MDGA2: variants seen among roughly 807,000 people sequenced by gnomAD.
The protein encoded by MDGA2 is MAM domain containing glycosylphosphatidylinositol anchor 2.
A neutral mutation model predicts 117.8 loss-of-function variants in MDGA2; 40 were observed. The observed-to-expected ratio is 0.34, with a 90% confidence interval of 0.26 to 0.44. The LOEUF is 0.44. Ranked by LOEUF, MDGA2 falls within the 20% of genes least tolerant of loss-of-function variation. MDGA2 has a pLI of 1.00. For synonymous variants in MDGA2, 452 were observed against 439.0 expected (o/e 1.03, Z -0.37); for missense variants, 1,123 against 1,250.6 (o/e 0.90, Z 1.54).
chr14:47,498,430 G>A (rs976302881), intron 1 of MDGA2, among the ~76,000 whole-genome samples: 5 of 152,068 alleles, frequency 3.3e-5, no homozygotes, highest in Non-Finnish European at 7.4e-5. Context: ...CTGGAACAAG[G>A]CAGGCATAGA....
At chr14:47,500,911 T>G (rs560536095) in intron 1 of MDGA2, among the ~76,000 whole-genome samples, 1 of 152,210 alleles carries the variant, frequency 6.6e-6, no homozygotes, top group South Asian at 2.1e-4. Context: ...AAAAGGGTAA[T>G]AAAAATTACT....
At position 47,009,640 on chromosome 14, in the gene MDGA2, A is replaced by G. The variant is rs182492101; in HGVS notation, c.1819+25371T>C. 1.9e-3 allele frequency among the ~76,000 whole-genome samples: 284 copies of G among 152,230 alleles called. 4 individuals are homozygous for G. Among genetic ancestry groups the G allele is most frequent in the African/African-American group, 6.5e-3 (272 of 41,560 alleles). On this transcript the variant is annotated intron_variant, in intron 8 of 16. Transcript: ENST00000399232. ...GACACAATGAATGAACACTATGTAT[A>G]CAACACTAAATTGTCATTCTGTCTT... is the stretch of plus-strand genomic sequence containing the variant.
At chr14:47,422,646 C>G (rs2138509954) in intron 1 of MDGA2, among the ~76,000 whole-genome samples, 1 of 152,246 alleles carries the variant, frequency 6.6e-6, no homozygotes, top group African/African-American at 2.4e-5. Context: ...TTTTTGCCAT[C>G]CTTCTTTCTC....
chr14:47,551,617 T>A (rs910333610), intron 1 of MDGA2, among the ~76,000 whole-genome samples: 6 of 152,184 alleles, frequency 3.9e-5, no homozygotes, highest in Non-Finnish European at 7.3e-5. Context: ...AGACATTTTA[T>A]ATATCAATCC....
chr14:47,583,276 A>G (rs1275133348), intron 1 of MDGA2, among the ~76,000 whole-genome samples: 1 of 151,826 alleles, frequency 6.6e-6, no homozygotes, highest in African/African-American at 2.4e-5. Context: ...GTCAGGAAGG[A>G]CCTGTCTATC....
intron 3 of MDGA2, among the ~76,000 whole-genome samples, chr14:47,196,510 G>C (rs895099622): frequency 6.6e-6 from 1 of 152,016 alleles, no homozygotes; most frequent in Non-Finnish European, 1.5e-5. Context: ...TATAACATCA[G>C]GTCTTACAAG....
rs547368999 is a variant in MDGA2 at position 47,041,853 on chromosome 14, T to C, written c.1526-6549A>G. On this transcript the variant is annotated intron_variant, in intron 7 of 16. Coordinates refer to ENST00000399232, the MANE Select transcript of MDGA2 (RefSeq NM_001113498.3). ...TGAACTATGTGGAAAAATATCATGCTGTCTGAAACAAAGACATCTGAATGT... is the reference window on the plus strand; with the variant it reads ...TGAACTATGTGGAAAAATATCATGCCGTCTGAAACAAAGACATCTGAATGT... Among the ~76,000 whole-genome samples the C allele has an allele frequency of 7.2e-5, 11 of 152,266 alleles. No homozygotes were observed. The South Asian group carries it at 1.9e-3, about 26-fold the overall frequency.
intron 1 of MDGA2, among the ~76,000 whole-genome samples, chr14:47,419,781 T>G (rs1411299927): frequency 6.6e-6 from 1 of 152,110 alleles, no homozygotes; most frequent in Non-Finnish European, 1.5e-5. Flanking sequence ...TGGAACTGGT[T>G]TGATAATTCA....
At chr14:47,400,405 T>C (rs984178400) in intron 1 of MDGA2, among the ~76,000 whole-genome samples, 3 of 152,156 alleles carry the variant, frequency 2.0e-5, no homozygotes, top group African/African-American at 7.2e-5. Flanking sequence ...ATTTTGACTG[T>C]TCTCTCTATC....
intron 3 of MDGA2, among the ~76,000 whole-genome samples, chr14:47,148,398 A>G (rs890662587): frequency 1.3e-5 from 2 of 152,122 alleles, no homozygotes; most frequent in Non-Finnish European, 2.9e-5. Context: ...TTGATTTAGA[A>G]TTTAACTGCA....
chr14:47,185,453 C>T (rs1047180267), intron 3 of MDGA2, among the ~76,000 whole-genome samples: 2 of 151,308 alleles, frequency 1.3e-5, no homozygotes, highest in African/African-American at 4.8e-5. Context: ...AGCAATTTGC[C>T]TATTATTACA....
intron 3 of MDGA2, among the ~76,000 whole-genome samples, chr14:47,165,490 T>C (rs769647891): frequency 2.0e-5 from 3 of 152,094 alleles, no homozygotes; most frequent in Non-Finnish European, 2.9e-5. Flanking sequence ...AGCCATAGGG[T>C]ATAACTCCTT....
At chr14:47,023,936 A>G (rs36061372) in intron 8 of MDGA2, among the ~76,000 whole-genome samples, 29,485 of 152,160 alleles carry the variant, frequency 0.19, 3,135 homozygotes, top group African/African-American at 0.25. Flanking sequence ...TATACAGAGA[A>G]GAAGAATAAA....
chr14:47,035,050 C>T lies in MDGA2; in HGVS notation c.1780G>A (p.Val594Met), dbSNP rs753607530. Residue 594 changes from valine to methionine, a missense_variant, in exon 8 of 17, where the codon GTG becomes ATG. By Grantham distance (21) the Val-to-Met change is conservative (BLOSUM62 1). Transcript: ENST00000399232. ...CQTSQYNGFNVKPREALVQLI... is the reference protein window; with the variant it reads ...CQTSQYNGFNMKPREALVQLI... Reference sequence around the variant, plus strand: ...TGCACCAAGGCTTCCCTTGGTTTCACGTTAAATCCATTGTATTGGCTGGTC... The same window carrying T: ...TGCACCAAGGCTTCCCTTGGTTTCATGTTAAATCCATTGTATTGGCTGGTC... 1.9e-6 allele frequency: 3 copies of T among 1,613,988 alleles called. No individual in the cohort carries two copies. Among genetic ancestry groups the T allele is most frequent in the South Asian group, 1.1e-5 (1 of 91,062 alleles).
chr14:47,605,923 C>T (rs577646145), intron 1 of MDGA2, among the ~76,000 whole-genome samples: 4 of 152,154 alleles, frequency 2.6e-5, no homozygotes, highest in African/African-American at 7.2e-5. Context: ...GCTCAGTCCA[C>T]ACAAAGGGCC....
intron 7 of MDGA2, among the ~76,000 whole-genome samples, chr14:47,055,897 C>G (rs1335702673): frequency 6.6e-6 from 1 of 152,066 alleles, no homozygotes; most frequent in South Asian, 2.1e-4. Flanking sequence ...GTTTGCCAGT[C>G]TCTGATGTCC....
chr14:46,872,282 T>G (rs1882036706), intron 14 of MDGA2, among the ~76,000 whole-genome samples: 1 of 152,002 alleles, frequency 6.6e-6, no homozygotes, highest in African/African-American at 2.4e-5. Context: ...ATACTATCAC[T>G]TTATTAATTT....
chr14:47,601,349 T>C (rs547820213), intron 1 of MDGA2, among the ~76,000 whole-genome samples: 17 of 152,284 alleles, frequency 1.1e-4, no homozygotes, highest in African/African-American at 3.6e-4. Context: ...TGAATACTTT[T>C]GTGACTTTCT....
intron 10 of MDGA2, among the ~76,000 whole-genome samples, chr14:46,890,250 T>C (rs2138415289): frequency 6.6e-6 from 1 of 152,198 alleles, no homozygotes; most frequent in South Asian, 2.1e-4. Context: ...TCTTGTTTTG[T>C]GCAGGTGTAG....
Sources: allele counts gnomAD v4.1 joint callset (sites outside exome capture counted in the v4.1 genomes callset), GRCh38; gene constraint gnomAD v4.1.1; transcripts MANE v1.5; gene names NCBI Gene and HGNC (gene_info 2026-07-23, HGNC 2026-07-21).